TRPC4AP: variants seen among roughly 807,000 people sequenced by gnomAD.
TRPC4AP encodes transient receptor potential cation channel subfamily C member 4 associated protein.
Under a neutral mutation model 99.0 loss-of-function variants are expected in TRPC4AP, and 45 were observed. That is an observed-to-expected ratio of 0.45 (90% CI 0.36 to 0.58). The LOEUF is 0.58. TRPC4AP is among the 20% of genes least tolerant of loss of function. The pLI, the probability that TRPC4AP is intolerant of heterozygous loss-of-function variation, is 0.00. For missense variants in TRPC4AP, 879 were observed against 985.3 expected (o/e 0.89, Z 1.44); for synonymous variants, 408 against 385.8 (o/e 1.06, Z -0.67).
intron 5 of TRPC4AP, among the ~76,000 whole-genome samples, chr20:35,054,075 A>G (rs2083766453): frequency 1.3e-5 from 2 of 152,016 alleles, no homozygotes; most frequent in Admixed American, 1.3e-4. Context: ...CCCCACCTTT[A>G]TCTTCTTCTT....
chr20:35,006,476 C>T lies in TRPC4AP; in HGVS notation c.1786G>A (p.Ala596Thr), dbSNP rs752721209. The T allele has an allele frequency of 2.5e-6, 4 of 1,614,226 alleles. No individual in the cohort carries two copies. The East Asian group carries it at 8.9e-5, about 36-fold the overall frequency. ...LGELMKFNVDAFKRFNKYINT... is the reference protein window; with the variant it reads ...LGELMKFNVDTFKRFNKYINT... ...ATATATTTATTGAATCTCTTGAATGCATCAACGTTGAACTTCATCAGCTCC... is the reference window on the plus strand; with the variant it reads ...ATATATTTATTGAATCTCTTGAATGTATCAACGTTGAACTTCATCAGCTCC... The change falls in exon 15 of 19, where the codon GCA (alanine) becomes ACA (threonine). Residue 596 changes from alanine (A) to threonine (T), a missense_variant. By Grantham distance (58) the Ala-to-Thr change is moderately conservative (BLOSUM62 0). Transcript: ENST00000252015.
At chr20:35,091,387 A>T (rs1474712918) in intron 1 of TRPC4AP, among the ~76,000 whole-genome samples, 1 of 152,120 alleles carries the variant, frequency 6.6e-6, no homozygotes, top group Non-Finnish European at 1.5e-5. Context: ...TCCTCCATAC[A>T]CACAGACCCC....
intron 4 of TRPC4AP, 51 bp downstream of exon 4, chr20:35,057,463 C>T: frequency 6.8e-7 from 1 of 1,470,174 alleles, no homozygotes; most frequent in Non-Finnish European, 9.4e-7. Flanking sequence ...GGAACTGCCA[C>T]CGTATCGGCA....
chr20:35,057,375 A>G lies in TRPC4AP; in HGVS notation c.472+139T>C, dbSNP rs1478280272. The G allele has an allele frequency of 2.9e-5, 19 of 656,964 alleles. No individual in the cohort carries two copies. In the Admixed American group the frequency reaches 5.2e-4, roughly 18 times the overall value. 40.7% of individuals were successfully genotyped at this position (656,964 alleles called of 1,614,324 possible). A position where few individuals can be genotyped will look rare whatever the true frequency, so the allele number is the denominator to read the frequency against. On this transcript the variant is annotated intron_variant, in intron 4 of 18. Transcript: ENST00000252015. ...AAGACAGCTGCTTAGCTGGGGGAGG[A>G]GAGAGCAACCTGTAGCTAAATGTAA...
intron 10 of TRPC4AP, among the ~76,000 whole-genome samples, chr20:35,014,040 G>A (rs1300865545): frequency 2.0e-5 from 3 of 152,192 alleles, no homozygotes; most frequent in African/African-American, 7.2e-5. Flanking sequence ...CTCCAGGGCT[G>A]AGGCTACACA....
intron 3 of TRPC4AP, among the ~76,000 whole-genome samples, chr20:35,061,558 C>T (rs1016314703): frequency 7.9e-5 from 12 of 152,066 alleles, no homozygotes; most frequent in African/African-American, 2.4e-4. Context: ...AAAATAAACC[C>T]GTGTCTATGA....
intron 11 of TRPC4AP, among the ~76,000 whole-genome samples, chr20:35,011,455 G>A (rs1261343714): frequency 1.3e-5 from 2 of 152,066 alleles, no homozygotes; most frequent in African/African-American, 4.8e-5. Flanking sequence ...CATTTTTCTT[G>A]AAATACATTC....
intron 8 of TRPC4AP, among the ~76,000 whole-genome samples, chr20:35,024,991 G>T (rs971253541): frequency 3.9e-5 from 6 of 151,978 alleles, no homozygotes; most frequent in Admixed American, 2.6e-4. Context: ...GTATATACCT[G>T]GGAGTAGGAT....
At chr20:35,040,547 A>T (rs1230105347) in intron 7 of TRPC4AP, among the ~76,000 whole-genome samples, 1 of 152,080 alleles carries the variant, frequency 6.6e-6, no homozygotes, top group Admixed American at 6.5e-5. Flanking sequence ...CCGGACTTGG[A>T]CTGAGCCATG....
At chr20:35,033,645 C>T (rs917425876) in intron 8 of TRPC4AP, among the ~76,000 whole-genome samples, 1 of 152,024 alleles carries the variant, frequency 6.6e-6, no homozygotes, top group African/African-American at 2.4e-5. Flanking sequence ...TGTCTCCTTC[C>T]CTGGTTCTCT....
chr20:35,052,765 T>C (rs1255838106), intron 5 of TRPC4AP, among the ~76,000 whole-genome samples: 4 of 152,200 alleles, frequency 2.6e-5, no homozygotes, highest in African/African-American at 9.7e-5. Context: ...TTGCTGGGAT[T>C]ACAGGTGATA....
intron 4 of TRPC4AP, among the ~76,000 whole-genome samples, chr20:35,056,072 C>A (rs549112736): frequency 1.5e-4 from 23 of 152,312 alleles, no homozygotes; most frequent in Non-Finnish European, 2.6e-4. Context: ...CAATGGGCAG[C>A]CCTGCCAAGC....
chr20:35,072,172 T>C (rs917508185), intron 2 of TRPC4AP, among the ~76,000 whole-genome samples: 5 of 152,250 alleles, frequency 3.3e-5, no homozygotes, highest in African/African-American at 7.2e-5. Flanking sequence ...TTGTAGATTC[T>C]GGATATTAGC....
At chr20:35,051,741 C>G (rs184416578) in intron 5 of TRPC4AP, among the ~76,000 whole-genome samples, 1 of 151,654 alleles carries the variant, frequency 6.6e-6, no homozygotes, top group Non-Finnish European at 1.5e-5. Flanking sequence ...TCCAAAGAAA[C>G]AGAACAAAAA....
Position 35,040,279 on chromosome 20 carries a change from G to A in TRPC4AP, c.865+4226C>T, listed in dbSNP as rs553112017. Among the ~76,000 whole-genome samples, 9 of 152,250 alleles carry A rather than the reference G, an allele frequency of 5.9e-5. No homozygotes were observed. In the South Asian group the frequency reaches 1.5e-3, roughly 25 times the overall value. On this transcript the variant is annotated intron_variant, in intron 7 of 18. Coordinates refer to ENST00000252015, the MANE Select transcript of TRPC4AP (RefSeq NM_015638.3). The stretch of plus-strand genomic sequence containing the variant: ...GTGAAGGTGATTCCAGAAGAGATTG[G>A]TGTATGAGTGTGTGAACTAAGGGAA...
At chr20:35,017,965 T>A (rs145733793) in intron 9 of TRPC4AP, among the ~76,000 whole-genome samples, 1 of 152,292 alleles carries the variant, frequency 6.6e-6, no homozygotes, top group Non-Finnish European at 1.5e-5. Flanking sequence ...AGCCTGGATC[T>A]ACCTTGCCCT....
chr20:35,031,261 G>A (rs1359943821), intron 8 of TRPC4AP, among the ~76,000 whole-genome samples: 1 of 151,294 alleles, frequency 6.6e-6, no homozygotes, highest in East Asian at 1.9e-4. Flanking sequence ...TTGGAGGCAG[G>A]GTCTCGCTCT....
rs752448 is a variant in TRPC4AP at position 35,004,445 on chromosome 20, C to T, written c.2049+13G>A. 0.19 allele frequency: 302,705 copies of T among 1,606,826 alleles called. 29,766 individuals carry two copies. Among genetic ancestry groups the T allele is most frequent in the Middle Eastern group, 0.33 (1,982 of 6,050 alleles). ...TCGACCTTCCCTGCTGTGTGTCTGC[C>T]GGGGCCTCTCACCTGGGTCAGCGTC... is the stretch of plus-strand genomic sequence containing the variant. On this transcript the variant is annotated intron_variant, in intron 17 of 18. Coordinates refer to ENST00000252015, the MANE Select transcript of TRPC4AP (RefSeq NM_015638.3).
intron 12 of TRPC4AP, among the ~76,000 whole-genome samples, chr20:35,009,764 C>G (rs1033723209): frequency 2.0e-5 from 3 of 152,258 alleles, no homozygotes; most frequent in African/African-American, 7.2e-5. Flanking sequence ...CCAGGTGAGG[C>G]AAACCTAACC....
Sources: gnomAD v4.1 joint callset for allele counts (sites outside exome capture counted in the v4.1 genomes callset) on GRCh38, gnomAD v4.1.1 for gene constraint, MANE v1.5 for transcripts, NCBI Gene and HGNC (gene_info 2026-07-23, HGNC 2026-07-21) for gene names.